LAMB1: variants seen among roughly 807,000 people sequenced by gnomAD.
LAMB1 encodes laminin subunit beta 1.
Under a neutral mutation model 222.3 loss-of-function variants are expected in LAMB1, and 121 were observed. That is an observed-to-expected ratio of 0.54 (90% CI 0.47 to 0.63). LAMB1 has a LOEUF of 0.63. Ranked by LOEUF, LAMB1 falls within the 30% of genes least tolerant of loss-of-function variation. LAMB1 has a pLI of 0.00. For synonymous variants in LAMB1, 794 were observed against 807.2 expected (o/e 0.98, Z 0.28); for missense variants, 2,172 against 2,240.8 (o/e 0.97, Z 0.62).
chr7:107,925,474 G>A (rs560371442), intron 32 of LAMB1, among the ~76,000 whole-genome samples: 3 of 152,024 alleles, frequency 2.0e-5, no homozygotes, highest in Admixed American at 6.6e-5. Context: ...CCCCACCCCC[G>A]AGTCTGGAAA....
chr7:108,002,966 TC>T lies in LAMB1; in HGVS notation c.-82del, dbSNP rs1352796117. 1.6e-5 allele frequency: 25 copies of T among 1,605,834 alleles called. No homozygotes were observed. Among genetic ancestry groups the T allele is most frequent in the Non-Finnish European group, 2.5e-6 (3 of 1,177,820 alleles). On this transcript the variant is annotated 5_prime_UTR_variant, in exon 2 of 34. Coordinates refer to ENST00000222399, the MANE Select transcript of LAMB1 (RefSeq NM_002291.3). ...AGCCGCCTGCCCTTTCTTCCCGTCTTCCTTTCTGGAGAGGTGGAAAGGAGGG... is the reference window on the plus strand; with the variant it reads ...AGCCGCCTGCCCTTTCTTCCCGTCTTCTTTCTGGAGAGGTGGAAAGGAGGG...
At chr7:107,997,973 CTA>C (rs1373487331) in intron 4 of LAMB1, among the ~76,000 whole-genome samples, 1 of 151,984 alleles carries the variant, frequency 6.6e-6, no homozygotes. Context: ...GGAGTGGGGG[CTA>C]TGATTCTGCC....
At chr7:107,997,624 T>C (rs185168370) in intron 4 of LAMB1, among the ~76,000 whole-genome samples, 3 of 152,334 alleles carry the variant, frequency 2.0e-5, no homozygotes, top group Non-Finnish European at 2.9e-5. Flanking sequence ...TTTATTTATT[T>C]ATTTTAAAGA....
chr7:107,935,295 G>A (rs1283310515), intron 27 of LAMB1, 120 bp downstream of exon 27: 27 of 1,445,496 alleles, frequency 1.9e-5, no homozygotes, highest in Non-Finnish European at 2.4e-5. Flanking sequence ...CAGTCCTGCT[G>A]ATTCATTTGC....
In LAMB1 at chr7:107,975,113, A is replaced by G. The variant is rs759106754; in HGVS notation, c.1370-15T>C. 6.4e-7 allele frequency: 1 copy of G among 1,572,760 alleles called. No individual in the cohort carries two copies. Among genetic ancestry groups the G allele is most frequent in the Non-Finnish European group, 8.8e-7 (1 of 1,142,602 alleles). ...GCAAGCACAAGCTGTATTAAAACAA[A>G]ATGAAGTGGAGAAACACAGACCACG... is the stretch of plus-strand genomic sequence containing the variant. On this transcript the variant is annotated splice_polypyrimidine_tract_variant and intron_variant, in intron 11 of 33. Coordinates refer to ENST00000222399, the MANE Select transcript of LAMB1 (RefSeq NM_002291.3).
intron 13 of LAMB1, among the ~76,000 whole-genome samples, chr7:107,971,967 CAT>C (rs1562996865): frequency 6.6e-6 from 1 of 152,170 alleles, no homozygotes; most frequent in Non-Finnish European, 1.5e-5. Flanking sequence ...AAGGATTCAA[CAT>C]GTGTTCTGGG....
chr7:107,977,220 A>G (rs1425958715), intron 9 of LAMB1, among the ~76,000 whole-genome samples: 2 of 151,984 alleles, frequency 1.3e-5, no homozygotes, highest in East Asian at 1.9e-4. Context: ...CTGAACTTCT[A>G]TAATAGTCCT....
At chr7:107,989,768 C>G (rs1320921142) in intron 5 of LAMB1, among the ~76,000 whole-genome samples, 1 of 152,194 alleles carries the variant, frequency 6.6e-6, no homozygotes, top group Non-Finnish European at 1.5e-5. Flanking sequence ...TTCTCTGTGC[C>G]AATGGCTCTG....
intron 3 of LAMB1, 123 bp downstream of exon 3, chr7:108,001,435 T>TC: frequency 9.0e-7 from 1 of 1,107,562 alleles, no homozygotes; most frequent in South Asian, 1.7e-5. Context: ...ATCCCGGGAC[T>TC]CCCCGGCTGG....
chr7:107,935,609 C>T lies in LAMB1; in HGVS notation c.3994G>A (p.Glu1332Lys), dbSNP rs758878306. The T allele has an allele frequency of 1.9e-6, 3 of 1,613,950 alleles. No individual in the cohort carries two copies. Among genetic ancestry groups the T allele is most frequent in the Non-Finnish European group, 2.5e-6 (3 of 1,179,952 alleles). Residue 1332 changes from glutamate (E) to lysine (K), a missense_variant, in exon 27 of 34, where the codon GAG becomes AAG. Coordinates refer to ENST00000222399, the MANE Select transcript of LAMB1 (RefSeq NM_002291.3). ...GTGGTGGAGGCATTCACCCTCTCCT[C>T]TGCCTCAAGAGACATCTGGAAATAC... is the stretch of plus-strand genomic sequence containing the variant. ...TKYFQMSLEA[E>K]ERVNASTTEP... is the part of the protein sequence containing the mutation.
rs2032826046 is a variant in LAMB1 at position 107,935,488 on chromosome 7, T to A, written c.4115A>T (p.Glu1372Val). 6.2e-7 allele frequency: 1 copy of A among 1,613,544 alleles called. No individual in the cohort carries two copies. Among genetic ancestry groups the A allele is most frequent in the African/African-American group, 1.3e-5 (1 of 74,714 alleles). Residue 1372 changes from glutamate to valine, a missense_variant, in exon 27 of 34, where the codon GAG (glutamate) becomes GTG (valine). Glu to Val is a moderately radical substitution (Grantham distance 121, BLOSUM62 -2). Coordinates refer to ENST00000222399, the MANE Select transcript of LAMB1 (RefSeq NM_002291.3). ...ERESQFKEKQ[E>V]EQARLLDELA... is the part of the protein sequence containing the mutation. ...TTCATCAAGGAGGCGAGCCTGCTCC[T>A]CTTGTTTTTCCTTGAACTGGGATTC...
intron 9 of LAMB1, 109 bp from the exon 10 acceptor site, chr7:107,975,986 A>G: frequency 1.1e-6 from 1 of 892,484 alleles, no homozygotes; most frequent in Non-Finnish European, 1.7e-6. Context: ...TTCAGACAAA[A>G]TGGCAGTCAA....
intron 18 of LAMB1, among the ~76,000 whole-genome samples, 195 bp downstream of exon 18, chr7:107,960,250 A>G (rs1006662745): frequency 2.6e-5 from 4 of 152,180 alleles, no homozygotes; most frequent in African/African-American, 9.7e-5. Flanking sequence ...TATTTCTTGA[A>G]TATCAATTCC....
chr7:108,001,730 A>T lies in LAMB1; in HGVS notation c.41T>A (p.Leu14Gln), dbSNP rs758269987. The T allele has an allele frequency of 1.5e-5, 24 of 1,612,390 alleles. No individual in the cohort carries two copies. The Middle Eastern group carries it at 4.9e-4, about 33-fold the overall frequency. The change falls in exon 3 of 34, where the codon CTG (leucine) becomes CAG (glutamine). Residue 14 changes from leucine to glutamine, a missense_variant. Transcript: ENST00000222399. ...LQLLAFSFLA[L>Q]CRARVRAQEP... ...CTGAGCGCGCACTCGGGCTCTGCAC[A>T]GGGCTGCGGGAAGGACAGGCAACAG...
chr7:107,975,306 C>G lies in LAMB1; in HGVS notation c.1297G>C (p.Glu433Gln), dbSNP rs767693908. 5.6e-6 allele frequency: 9 copies of G among 1,614,030 alleles called. No individual in the cohort carries two copies. Among genetic ancestry groups the G allele is most frequent in the Non-Finnish European group, 6.8e-6 (8 of 1,179,936 alleles). ...AGQCRCKLNV[E>Q]GEHCDVCKEG... ...TTGCAAACATCACAATGTTCTCCTT[C>G]CACATTTAATTTACACCGACACTGG... Residue 433 changes from glutamate (E) to glutamine (Q), a missense_variant, in exon 11 of 34, where the codon GAA (glutamate) becomes CAA (glutamine). Physicochemically the swap from Glu to Gln is conservative, Grantham distance 29 (BLOSUM62 2). Coordinates refer to ENST00000222399, the MANE Select transcript of LAMB1 (RefSeq NM_002291.3).
intron 21 of LAMB1, among the ~76,000 whole-genome samples, chr7:107,954,449 C>T (rs965215327): frequency 6.6e-6 from 1 of 151,526 alleles, no homozygotes; most frequent in Non-Finnish European, 1.5e-5. Flanking sequence ...GAACTACAAG[C>T]ATGAGCCACC....
intron 24 of LAMB1, among the ~76,000 whole-genome samples, chr7:107,943,642 A>G (rs959258573): frequency 3.3e-5 from 5 of 152,018 alleles, no homozygotes; most frequent in Non-Finnish European, 7.4e-5. Flanking sequence ...TCCCATCCCC[A>G]GATTCTGATT....
intron 29 of LAMB1, among the ~76,000 whole-genome samples, 163 bp downstream of exon 29, chr7:107,931,193 A>T (rs535391478): frequency 2.6e-5 from 4 of 152,312 alleles, no homozygotes; most frequent in African/African-American, 9.6e-5. Context: ...AAGTTATTTG[A>T]TACACATATA....
chr7:107,937,417 A>G, intron 25 of LAMB1, 140 bp from the exon 26 acceptor site: 1 of 662,410 alleles, frequency 1.5e-6, no homozygotes, highest in Non-Finnish European at 2.6e-6. Context: ...CCTAAGTGCT[A>G]GTTTTATTTT....
Sources: gnomAD v4.1 joint callset for allele counts (sites outside exome capture counted in the v4.1 genomes callset) on GRCh38, gnomAD v4.1.1 for gene constraint, MANE v1.5 for transcripts, NCBI Gene and HGNC (gene_info 2026-07-23, HGNC 2026-07-21) for gene names.